The following PKP4 variants were observed in gnomAD, a reference collection of about 807,000 sequenced individuals.
The protein encoded by PKP4 is plakophilin-4.
A neutral mutation model predicts 145.1 loss-of-function variants in PKP4; 90 were observed. That is an observed-to-expected ratio of 0.62 (90% CI 0.52 to 0.74). PKP4 has a LOEUF of 0.74. PKP4 is among the 30% of genes least tolerant of loss of function. The pLI is 0.00. For synonymous variants in PKP4, 563 were observed against 577.2 expected, an observed-to-expected ratio of 0.98 and a Z score of 0.35; for missense variants, 1,340 against 1,482.7, an observed-to-expected ratio of 0.90 and a Z score of 1.58.
intron 21 of PKP4, among the ~76,000 whole-genome samples, chr2:158,679,633 C>T (rs1575164277): frequency 6.6e-6 from 1 of 152,302 alleles, no homozygotes; most frequent in Admixed American, 6.5e-5. Context: ...ATAACCATCA[C>T]AATTTGAAGA....
In PKP4 at chr2:158,621,518, G is replaced by T. The variant is rs999233596; in HGVS notation, c.603+97G>T. 6 of 986,778 alleles carry T rather than the reference G, an allele frequency of 6.1e-6. No homozygotes were observed. The African/African-American group carries it at 8.1e-5, about 13-fold the overall frequency. The allele number at this position is 986,778 out of a possible 1,614,324, so 61.1% of individuals were successfully genotyped here. ...CCCAGCATTTTGGGAGGCCGAGGCG[G>T]GTGGATCACCTGAGGTCAGGAGTTC... On this transcript the variant is annotated intron_variant, in intron 6 of 21. Coordinates refer to ENST00000389759, the MANE Select transcript of PKP4 (RefSeq NM_003628.6).
At chr2:158,666,871 C>CA (rs1212246821) in intron 16 of PKP4, among the ~76,000 whole-genome samples, 1 of 152,286 alleles carries the variant, frequency 6.6e-6, no homozygotes, top group Admixed American at 6.5e-5. Flanking sequence ...TCCTGAGCAA[C>CA]AAAAAATCTT....
chr2:158,577,162 T>G, intron 2 of PKP4, 109 bp from the exon 3 acceptor site: 1 of 616,266 alleles, frequency 1.6e-6, no homozygotes, highest in South Asian at 2.4e-5. Context: ...CACCATAGCT[T>G]TATGTTATGG....
intron 2 of PKP4, among the ~76,000 whole-genome samples, chr2:158,553,986 T>C (rs1407717920): frequency 2.0e-5 from 3 of 152,192 alleles, no homozygotes; most frequent in Admixed American, 1.3e-4. Context: ...ATGGGTTGCA[T>C]GTATTTGGGA....
chr2:158,594,455 C>A (rs1011278304), intron 3 of PKP4, among the ~76,000 whole-genome samples: 2 of 152,176 alleles, frequency 1.3e-5, no homozygotes, highest in African/African-American at 4.8e-5. Flanking sequence ...AGTTAGGCAC[C>A]TGTTGTCACA....
chr2:158,580,190 A>G (rs3755413), intron 3 of PKP4, among the ~76,000 whole-genome samples: 76,351 of 152,060 alleles, frequency 0.5, 19,678 homozygotes, highest in South Asian at 0.69. Context: ...TTAAGGCTAT[A>G]TCGTTCATTG....
chr2:158,561,078 A>G (rs879499514), intron 2 of PKP4, among the ~76,000 whole-genome samples: 6 of 152,254 alleles, frequency 3.9e-5, no homozygotes, highest in Non-Finnish European at 7.3e-5. Context: ...AAATAATCAA[A>G]GGCAGAATAT....
intron 3 of PKP4, among the ~76,000 whole-genome samples, chr2:158,598,272 T>C (rs1232740115): frequency 6.6e-6 from 1 of 152,154 alleles, no homozygotes; most frequent in Admixed American, 6.5e-5. Context: ...GTAGCTTGTG[T>C]ATACTTGTGA....
At chr2:158,586,995 A>C (rs1015362685) in intron 3 of PKP4, among the ~76,000 whole-genome samples, 1 of 152,224 alleles carries the variant, frequency 6.6e-6, no homozygotes, top group African/African-American at 2.4e-5. Flanking sequence ...TATATCTTTT[A>C]TGAGTAATAG....
intron 1 of PKP4, among the ~76,000 whole-genome samples, chr2:158,521,724 T>C (rs1333490011): frequency 6.6e-6 from 1 of 152,208 alleles, no homozygotes; most frequent in Admixed American, 6.5e-5. Context: ...GTTTAACTTT[T>C]CAGGCAAATT....
intron 1 of PKP4, among the ~76,000 whole-genome samples, chr2:158,531,051 G>C (rs2043499020): frequency 6.6e-6 from 1 of 152,162 alleles, no homozygotes; most frequent in African/African-American, 2.4e-5. Flanking sequence ...GTCCCTGGGA[G>C]AGTGGTACTC....
intron 12 of PKP4, chr2:158,660,385 A>G (rs932463425): frequency 1.8e-4 from 27 of 152,802 alleles, no homozygotes; most frequent in African/African-American, 6.5e-4. Context: ...TGAAGACAAG[A>G]CAGGACCTGG....
intron 7 of PKP4, among the ~76,000 whole-genome samples, chr2:158,630,075 A>ATT (rs34352482): frequency 6.6e-6 from 1 of 151,968 alleles, no homozygotes; most frequent in Non-Finnish European, 1.5e-5. Flanking sequence ...ATGATTTGCT[A>ATT]TTTTTTTAAA....
intron 3 of PKP4, among the ~76,000 whole-genome samples, chr2:158,591,518 T>C (rs2049275923): frequency 6.6e-6 from 1 of 152,092 alleles, no homozygotes; most frequent in South Asian, 2.1e-4. Context: ...GGGTAATAAA[T>C]ACAAAGAGTG....
intron 1 of PKP4, among the ~76,000 whole-genome samples, chr2:158,484,982 T>C (rs1438151568): frequency 6.6e-6 from 1 of 152,186 alleles, no homozygotes; most frequent in Non-Finnish European, 1.5e-5. Flanking sequence ...TCAGTATACC[T>C]CACTCAGTTC....
chr2:158,466,248 C>G (rs1017229489), intron 1 of PKP4, among the ~76,000 whole-genome samples: 1 of 152,134 alleles, frequency 6.6e-6, no homozygotes, highest in African/African-American at 2.4e-5. Flanking sequence ...TCTGTTTGTG[C>G]CTAGTACCTA....
chr2:158,474,789 C>G (rs1402907231), intron 1 of PKP4, among the ~76,000 whole-genome samples: 1 of 152,146 alleles, frequency 6.6e-6, no homozygotes, highest in Non-Finnish European at 1.5e-5. Flanking sequence ...GGGAGGCCTT[C>G]TCAGGACTCT....
Position 158,661,350 on chromosome 2 carries a change from G to C in PKP4, c.2111G>C (p.Gly704Ala), listed in dbSNP as rs1191988274. 3.1e-6 allele frequency: 5 copies of C among 1,613,458 alleles called. No individual in the cohort carries two copies. In the African/African-American group the frequency reaches 5.3e-5, roughly 17 times the overall value. Residue 704 changes from glycine (G) to alanine (A), a missense_variant, in exon 13 of 22, where the codon GGG becomes GCG. Transcript: ENST00000389759. ...TGCLRNLSSAGEEARKQMRSC... is the reference protein window; with the variant it reads ...TGCLRNLSSAAEEARKQMRSC... ...CCCTTTAGGAACCTCAGCTCCGCGG[G>C]GGAAGAAGCTCGGAAGCAAATGCGG...
At chr2:158,487,766 AG>A (rs2105454238) in intron 1 of PKP4, among the ~76,000 whole-genome samples, 1 of 151,822 alleles carries the variant, frequency 6.6e-6, no homozygotes, top group East Asian at 1.9e-4. Context: ...TGATGGTGAA[AG>A]AAAGACTGAG....
Sources: allele counts gnomAD v4.1 joint callset (sites outside exome capture counted in the v4.1 genomes callset), GRCh38; gene constraint gnomAD v4.1.1; transcripts MANE v1.5; gene names NCBI Gene and HGNC (gene_info 2026-07-23, HGNC 2026-07-21).